The following SMURF2 variants were observed in gnomAD, a reference collection of about 807,000 sequenced individuals.
SMURF2 encodes the protein E3 ubiquitin-protein ligase SMURF2.
Under a neutral mutation model 109.6 loss-of-function variants are expected in SMURF2, and 48 were observed. The observed-to-expected ratio is 0.44, with a 90% CI of 0.35 to 0.56. The LOEUF (loss-of-function observed/expected upper bound fraction) is 0.56. SMURF2 is among the 20% of genes least tolerant of loss of function. The probability of loss-of-function intolerance (pLI) is 0.01; values close to 1 mark genes in which losing one functional copy is unlikely to be tolerated. For synonymous variants in SMURF2, 288 were observed against 317.1 expected (o/e 0.91, Z 0.97); for missense variants, 575 against 909.0 (o/e 0.63, Z 4.72).
At chr17:64,641,308 TTATC>T (rs1226968174) in intron 1 of SMURF2, among the ~76,000 whole-genome samples, 3 of 152,170 alleles carry the variant, frequency 2.0e-5, no homozygotes, top group African/African-American at 4.8e-5. Flanking sequence ...CTGAAAATTT[TTATC>T]TATTAGATTA....
rs536658426 is a variant in SMURF2 at position 64,621,398 on chromosome 17, G to A, written c.53-14758C>T. ...AGTTTGAGACCAGCCTGGCCGACAT[G>A]GCAAAATCCCGTCTCTACTAAAAAT... On this transcript the variant is annotated intron_variant, in intron 1 of 18. Coordinates refer to ENST00000262435, the MANE Select transcript of SMURF2 (RefSeq NM_022739.4). Among the ~76,000 whole-genome samples, 26 of 152,052 alleles carry A rather than the reference G, an allele frequency of 1.7e-4. No homozygotes were observed. In the South Asian group the frequency reaches 5.2e-3, roughly 30 times the overall value.
chr17:64,561,534 C>T lies in SMURF2; in HGVS notation c.1282G>A (p.Gly428Arg). 6.2e-7 allele frequency: 1 copy of T among 1,614,020 alleles called. No individual in the cohort carries two copies. The highest frequency in any genetic ancestry group is 8.5e-7 in the Non-Finnish European group (1 of 1,179,992). Reference protein sequence around the residue: ...LWKRLMIKFRGEEGLDYGGVA... With the variant: ...LWKRLMIKFRREEGLDYGGVA... The stretch of plus-strand genomic sequence containing the variant: ...CCTCCATAGTCAAGGCCTTCTTCTC[C>T]ACGAAATTTTATCATTAATCGCTTC... Residue 428 changes from glycine to arginine, a missense_variant, in exon 12 of 19, where the codon GGA (glycine) becomes AGA (arginine). By Grantham distance (125) the Gly-to-Arg change is moderately radical (BLOSUM62 -2). Transcript: ENST00000262435.
chr17:64,652,219 A>G (rs1162658623), intron 1 of SMURF2, among the ~76,000 whole-genome samples: 3 of 152,214 alleles, frequency 2.0e-5, no homozygotes, highest in African/African-American at 7.2e-5. Context: ...CTAATTTCTT[A>G]TATCTGCATT....
At chr17:64,629,056 A>G (rs1970303610) in intron 1 of SMURF2, among the ~76,000 whole-genome samples, 1 of 152,140 alleles carries the variant, frequency 6.6e-6, no homozygotes, top group African/African-American at 2.4e-5. Flanking sequence ...TAAAAAGACC[A>G]AAAGTTTTCT....
intron 13 of SMURF2, 28 bp from the exon 14 acceptor site, chr17:64,556,026 G>A (rs781867960): frequency 6.7e-6 from 10 of 1,496,984 alleles, no homozygotes; most frequent in South Asian, 2.5e-5. Context: ...ATATATACTC[G>A]TTAGGCACTA....
In SMURF2 at chr17:64,586,087, C is replaced by A; in HGVS notation, c.484G>T (p.Gly162Cys). ...SRLFDNDLPDGWEERRTASGR... is the reference protein window; with the variant it reads ...SRLFDNDLPDCWEERRTASGR... ...ATGATTTCAGTGATGTTAGCTTACC[C>A]GTCTGGTAAATCGTTATCAAATAAA... Residue 162 changes from glycine to cysteine, a missense_variant and splice_region_variant, in exon 6 of 19, where the codon GGC (glycine) becomes TGC (cysteine). By Grantham distance (159) the Gly-to-Cys change is radical (BLOSUM62 -3). Around this residue, in one of 5 missense-constraint regions of SMURF2, gnomAD observed 151 missense variants for 178.4 expected, o/e 0.85. Transcript: ENST00000262435. 1 of 1,584,788 alleles carries A rather than the reference C, an allele frequency of 6.3e-7. No individual in the cohort carries two copies. Among genetic ancestry groups the A allele is most frequent in the South Asian group, 1.1e-5 (1 of 88,632 alleles).
At chr17:64,656,508 A>G (rs1269205103) in intron 1 of SMURF2, among the ~76,000 whole-genome samples, 1 of 152,230 alleles carries the variant, frequency 6.6e-6, no homozygotes, top group Admixed American at 6.5e-5. Flanking sequence ...CTTATAACAG[A>G]ATAGTAAAAA....
At chr17:64,654,785 C>T (rs184826343) in intron 1 of SMURF2, among the ~76,000 whole-genome samples, 19 of 152,178 alleles carry the variant, frequency 1.2e-4, no homozygotes, top group South Asian at 1.0e-3. Flanking sequence ...GCCGAGATGG[C>T]GCCATCGCAC....
intron 12 of SMURF2, among the ~76,000 whole-genome samples, chr17:64,559,148 C>G (rs1484165265): frequency 1.3e-5 from 2 of 152,052 alleles, no homozygotes; most frequent in East Asian, 3.8e-4. Context: ...AAAGAAAATC[C>G]AAATTTTTGT....
intron 4 of SMURF2, among the ~76,000 whole-genome samples, chr17:64,592,385 G>A (rs1969762677): frequency 6.6e-6 from 1 of 152,134 alleles, no homozygotes. Flanking sequence ...TGGTTACCCT[G>A]TCAGCCCAGA....
chr17:64,545,978 T>C (rs1968948552), intron 18 of SMURF2, 31 bp from the exon 19 acceptor site: 1 of 1,397,704 alleles, frequency 7.2e-7, no homozygotes, highest in East Asian at 2.3e-5. Flanking sequence ...TTTTATACAG[T>C]TCATTCAAAA....
At chr17:64,619,658 G>A (rs976550984) in intron 1 of SMURF2, among the ~76,000 whole-genome samples, 10 of 152,084 alleles carry the variant, frequency 6.6e-5, no homozygotes, top group Middle Eastern at 3.4e-3. Context: ...GGTGAGGGCC[G>A]TCTTCCTGGT....
intron 3 of SMURF2, 50 bp from the exon 4 acceptor site, chr17:64,593,623 G>A: frequency 7.0e-7 from 1 of 1,432,714 alleles, no homozygotes; most frequent in Non-Finnish European, 9.2e-7. Flanking sequence ...CAGGCAGTTG[G>A]CGTAAAATTT....
chr17:64,602,336 AAAT>A (rs1225267249), intron 2 of SMURF2, among the ~76,000 whole-genome samples: 10 of 152,274 alleles, frequency 6.6e-5, no homozygotes, highest in South Asian at 2.1e-4. Flanking sequence ...TAAAAAAATA[AAAT>A]AATAAAAGAA....
chr17:64,548,953 A>G (rs1339275503), intron 16 of SMURF2, among the ~76,000 whole-genome samples: 2 of 152,172 alleles, frequency 1.3e-5, no homozygotes, highest in Non-Finnish European at 2.9e-5. Context: ...ACCCAGGATT[A>G]ATATATACAA....
At chr17:64,587,099 C>T (rs1969673318) in intron 5 of SMURF2, among the ~76,000 whole-genome samples, 1 of 152,154 alleles carries the variant, frequency 6.6e-6, no homozygotes, top group African/African-American at 2.4e-5. Flanking sequence ...TCACTTGAAC[C>T]TGGGAGGCAG....
At chr17:64,624,954 G>A (rs1412500311) in intron 1 of SMURF2, among the ~76,000 whole-genome samples, 2 of 152,168 alleles carry the variant, frequency 1.3e-5, no homozygotes, top group Non-Finnish European at 2.9e-5. Flanking sequence ...TGACCCACTG[G>A]CCACTGCTAA....
At chr17:64,607,474 A>C (rs1052500408) in intron 1 of SMURF2, among the ~76,000 whole-genome samples, 5 of 151,928 alleles carry the variant, frequency 3.3e-5, no homozygotes, top group Non-Finnish European at 5.9e-5. Flanking sequence ...AAAAATACAA[A>C]AATTAGCTGG....
At chr17:64,596,616 C>T (rs1299745576) in intron 3 of SMURF2, among the ~76,000 whole-genome samples, 15 of 124,134 alleles carry the variant, frequency 1.2e-4, no homozygotes, top group African/African-American at 4.7e-4. Flanking sequence ...AAAAGGAAGT[C>T]ACTAAACCTA....
Sources: allele counts gnomAD v4.1 joint callset (sites outside exome capture counted in the v4.1 genomes callset), GRCh38; gene constraint gnomAD v4.1.1; regional missense constraint gnomAD v4.1.1; transcripts MANE v1.5; gene names NCBI Gene and HGNC (gene_info 2026-07-23, HGNC 2026-07-21).